SMARCA2: variants seen among roughly 807,000 people sequenced by gnomAD.
The protein encoded by SMARCA2 is SWI/SNF related BAF chromatin remodeling complex subunit ATPase 2, also known as SWI/SNF-related matrix-associated actin-dependent regulator of chromatin subfamily A member 2.
In SMARCA2, 61 loss-of-function variants were observed where a neutral mutation model predicts 199.8. That is an observed-to-expected ratio of 0.31 (90% CI 0.25 to 0.38). SMARCA2 has a LOEUF of 0.38. Ranked by LOEUF, SMARCA2 falls within the 10% of genes least tolerant of loss-of-function variation. SMARCA2 has a pLI of 1.00. For missense variants in SMARCA2, 1,344 were observed against 2,012.2 expected (o/e 0.67, Z 6.35); for synonymous variants, 935 against 732.0 (o/e 1.28, Z -4.48).
intron 18 of SMARCA2, among the ~76,000 whole-genome samples, chr9:2,087,910 AG>A (rs1390068007): frequency 1.3e-5 from 2 of 152,200 alleles, no homozygotes; most frequent in African/African-American, 4.8e-5. Flanking sequence ...TAATAGGAGA[AG>A]GTGAAAGAGA....
chr9:2,141,804 G>A (rs1586747735), intron 27 of SMARCA2, among the ~76,000 whole-genome samples: 1 of 152,272 alleles, frequency 6.6e-6, no homozygotes, highest in South Asian at 2.1e-4. Context: ...TTTAGTGAAA[G>A]TCAATCACAT....
chr9:2,152,515 T>C (rs751730249), intron 27 of SMARCA2, among the ~76,000 whole-genome samples: 3 of 152,070 alleles, frequency 2.0e-5, no homozygotes, highest in Non-Finnish European at 2.9e-5. Flanking sequence ...ATTGTACCGC[T>C]GCACTCCAGC....
intron 18 of SMARCA2, among the ~76,000 whole-genome samples, chr9:2,088,185 A>G (rs898129813): frequency 6.6e-5 from 10 of 152,234 alleles, no homozygotes; most frequent in Admixed American, 5.9e-4. Context: ...CTCAGTCTTC[A>G]GTCTGTCTTC....
At chr9:2,142,629 C>G (rs1463649280) in intron 27 of SMARCA2, among the ~76,000 whole-genome samples, 3 of 152,158 alleles carry the variant, frequency 2.0e-5, no homozygotes, top group Non-Finnish European at 4.4e-5. Context: ...CGTCTTCAAG[C>G]CGTTTAACTC....
chr9:2,125,054 TG>T lies in SMARCA2; in HGVS notation c.3981+1120del, dbSNP rs1219153907. On this transcript the variant is annotated intron_variant, in intron 27 of 33. Transcript: ENST00000349721. ...AGGACCCAGGTTTTAAGTAGGTAGA[TG>T]GGTAGAAAGGCAGTGGGCAGAATTT... Among the ~76,000 whole-genome samples, 4 of 152,104 alleles carry T rather than the reference TG, an allele frequency of 2.6e-5. No individual in the cohort carries two copies. In the East Asian group the frequency reaches 7.7e-4, roughly 29 times the overall value.
intron 27 of SMARCA2, among the ~76,000 whole-genome samples, chr9:2,141,246 T>C (rs1824447866): frequency 6.6e-6 from 1 of 152,212 alleles, no homozygotes. Flanking sequence ...CTGGAAGCTA[T>C]AAATAGACAG....
At chr9:2,117,339 T>C (rs1037768006) in intron 25 of SMARCA2, among the ~76,000 whole-genome samples, 1 of 152,188 alleles carries the variant, frequency 6.6e-6, no homozygotes, top group Admixed American at 6.5e-5. Flanking sequence ...ATCCACTGAG[T>C]TTCATGAAAA....
Position 2,092,695 on chromosome 9 carries a change from G to A in SMARCA2, c.2884-3962G>A, listed in dbSNP as rs1314296185. Among the ~76,000 whole-genome samples, 4 of 152,176 alleles carry A rather than the reference G, an allele frequency of 2.6e-5. No homozygotes were observed. The East Asian group carries it at 7.7e-4, about 29-fold the overall frequency. ...TTAGGCCATTTACTAACATAAGAAT[G>A]CTTAGGAGATAATTACCAGATACAT... On this transcript the variant is annotated intron_variant, in intron 19 of 33. Coordinates refer to ENST00000349721, the MANE Select transcript of SMARCA2 (RefSeq NM_003070.5).
intron 1 of SMARCA2, among the ~76,000 whole-genome samples, chr9:2,020,965 G>A (rs1818575992): frequency 6.6e-6 from 1 of 152,126 alleles, no homozygotes; most frequent in Admixed American, 6.5e-5. Context: ...TATAATTGAA[G>A]CCTAGTATGA....
intron 27 of SMARCA2, among the ~76,000 whole-genome samples, chr9:2,137,271 G>A (rs1056844595): frequency 1.3e-5 from 2 of 152,194 alleles, no homozygotes; most frequent in African/African-American, 4.8e-5. Context: ...TACCCAGAGA[G>A]GTCAGTGGGA....
chr9:2,115,746 C>T lies in SMARCA2; in HGVS notation c.3457-76C>T. ...GAAATACAGAACCCTTCCATATTTC[C>T]CTCTGGGGTGGGGTCCGGTTTTGGA... On this transcript the variant is annotated intron_variant, in intron 24 of 33. Transcript: ENST00000349721. This position sits in a 1 kb window ranked among gnomAD's most constrained non-coding sequence, Gnocchi z 6.0. The T allele has an allele frequency of 1.7e-6, 2 of 1,149,806 alleles. No homozygotes were observed. Among genetic ancestry groups the T allele is most frequent in the African/African-American group, 1.5e-5 (1 of 65,436 alleles). The allele number at this position is 1,149,806 out of a possible 1,614,324, so 71.2% of individuals were successfully genotyped here.
chr9:2,092,667 C>G (rs1302505915), intron 19 of SMARCA2, among the ~76,000 whole-genome samples: 1 of 152,118 alleles, frequency 6.6e-6, no homozygotes, highest in Non-Finnish European at 1.5e-5. Flanking sequence ...TTTTAGGGAC[C>G]AGTTAGGCCA....
At chr9:2,135,966 C>T (rs1387925487) in intron 27 of SMARCA2, among the ~76,000 whole-genome samples, 2 of 152,014 alleles carry the variant, frequency 1.3e-5, no homozygotes, top group Non-Finnish European at 2.9e-5. Flanking sequence ...CTCCGTCTCC[C>T]GAGTAGCTGG....
intron 17 of SMARCA2, among the ~76,000 whole-genome samples, 174 bp downstream of exon 17, chr9:2,084,370 CTGTGTGTGTGTGTGTGTGTGTGTGTG>C (rs3057851): frequency 4.5e-5 from 6 of 132,422 alleles, no homozygotes; most frequent in Non-Finnish European, 6.4e-5. Context: ...TTCATGCATG[CTGTGTGTGTGTGTGTGTGTGTGTGTG>C]TGTGTGTGTG....
chr9:2,018,451 T>C (rs1224783078), intron 1 of SMARCA2, among the ~76,000 whole-genome samples: 1 of 152,214 alleles, frequency 6.6e-6, no homozygotes, highest in Non-Finnish European at 1.5e-5. Flanking sequence ...GTCATCATTG[T>C]CTCCTTTCTG....
intron 9 of SMARCA2, among the ~76,000 whole-genome samples, chr9:2,069,513 C>T (rs1443767972): frequency 6.7e-5 from 10 of 149,948 alleles, no homozygotes; most frequent in South Asian, 2.1e-4. Context: ...GAGCCGAGAT[C>T]GGGCCACCGC....
chr9:2,065,183 T>C lies in SMARCA2; in HGVS notation c.1692+4197T>C, dbSNP rs112358593. ...CTGGGCGACAGAGCGAGACTCTGTC[T>C]CAAAAAAAAAAGTCTAGCCATTTCA... On this transcript the variant is annotated intron_variant, in intron 9 of 33. Transcript: ENST00000349721. 4.6e-3 allele frequency among the ~76,000 whole-genome samples: 701 copies of C among 151,720 alleles called. 5 individuals carry two copies. The highest frequency in any genetic ancestry group is 0.016 in the African/African-American group (671 of 41,380).
rs986630388 is a variant in SMARCA2, at chr9:2,056,036, C to T, written c.1174-636C>T. ...TTAATGTGTATTCTCCAGTCCCTAC[C>T]CCCTACCACCACATAACATGCAATA... On this transcript the variant is annotated intron_variant, in intron 6 of 33. Coordinates refer to ENST00000349721, the MANE Select transcript of SMARCA2 (RefSeq NM_003070.5). This position sits in a 1 kb window ranked among gnomAD's most constrained non-coding sequence, Gnocchi z 4.0. Among the ~76,000 whole-genome samples the T allele has an allele frequency of 6.6e-6, 1 of 152,020 alleles. No homozygotes were observed. Among genetic ancestry groups the T allele is most frequent in the Non-Finnish European group, 1.5e-5 (1 of 68,008 alleles).
chr9:2,128,795 T>A (rs950202973), intron 27 of SMARCA2, among the ~76,000 whole-genome samples: 9 of 152,212 alleles, frequency 5.9e-5, no homozygotes, highest in Non-Finnish European at 2.9e-5. Flanking sequence ...CTCATTATCT[T>A]CCTTTCCACT....
Sources: allele counts gnomAD v4.1 joint callset (sites outside exome capture counted in the v4.1 genomes callset), GRCh38; gene constraint gnomAD v4.1.1; non-coding constraint Gnocchi (gnomAD v3.1); transcripts MANE v1.5; gene names NCBI Gene and HGNC (gene_info 2026-07-23, HGNC 2026-07-21).